Variants in TRPM3 observed in about 807,000 individuals in gnomAD.
TRPM3 encodes long transient receptor potential channel 3.
TRPM3 carries 77 observed loss-of-function variants against 181.2 expected under a neutral mutation model. That is an observed-to-expected ratio of 0.42 (90% confidence interval 0.35 to 0.51). The LOEUF (loss-of-function observed/expected upper bound fraction) is 0.51. Ranked by LOEUF, TRPM3 falls within the 20% of genes least tolerant of loss-of-function variation. TRPM3 has a pLI of 0.01. For missense variants in TRPM3, 1,759 were observed against 2,196.7 expected (o/e 0.80, Z 3.98); for synonymous variants, 745 against 796.4 (o/e 0.94, Z 1.09).
intron 19 of TRPM3, among the ~76,000 whole-genome samples, chr9:70,607,877 A>T (rs770807524): frequency 5.3e-5 from 8 of 152,156 alleles, no homozygotes; most frequent in Non-Finnish European, 2.9e-5. Flanking sequence ...GTCTCTCACT[A>T]CTCATCAACT....
intron 1 of TRPM3, among the ~76,000 whole-genome samples, chr9:70,875,138 G>A (rs531388101): frequency 6.7e-4 from 102 of 151,828 alleles, no homozygotes; most frequent in South Asian, 5.0e-3. Flanking sequence ...CCTGGGGGAC[G>A]CATGACCGAT....
intron 1 of TRPM3, among the ~76,000 whole-genome samples, chr9:71,070,922 T>C (rs1301911467): frequency 6.6e-6 from 1 of 152,202 alleles, no homozygotes; most frequent in Non-Finnish European, 1.5e-5. Flanking sequence ...CTTTAAAAGA[T>C]TTCTTATCAG....
intron 1 of TRPM3, among the ~76,000 whole-genome samples, chr9:71,067,604 A>G (rs966898045): frequency 3.3e-5 from 5 of 152,242 alleles, no homozygotes; most frequent in Non-Finnish European, 7.3e-5. Context: ...AAATTTAACA[A>G]TAATATCACT....
chr9:71,290,478 T>C (rs2085713793), intron 1 of TRPM3, among the ~76,000 whole-genome samples: 2 of 152,058 alleles, frequency 1.3e-5, no homozygotes, highest in Admixed American at 6.6e-5. Flanking sequence ...TCCAATAGAA[T>C]GAGGGTAGAA....
At chr9:71,121,935 AT>A (rs995457618), upstream of TRPM3, among the ~76,000 whole-genome samples, 11 of 152,152 alleles carry the variant, frequency 7.2e-5, no homozygotes, top group African/African-American at 2.7e-4. Flanking sequence ...AGTAAAAGAG[AT>A]CTGTGTCGTG....
At chr9:70,928,820 T>A (rs138484979) in intron 1 of TRPM3, among the ~76,000 whole-genome samples, 41 of 152,314 alleles carry the variant, frequency 2.7e-4, no homozygotes, top group Non-Finnish European at 4.9e-4. Flanking sequence ...ATCTTGGCCC[T>A]TGCTCTTGGT....
intron 7 of TRPM3, chr9:70,774,175 G>C (rs186604333): frequency 6.6e-6 from 1 of 152,458 alleles, no homozygotes; most frequent in East Asian, 1.9e-4. Flanking sequence ...TGAACTGTGC[G>C]GGTTCACTTA....
intron 1 of TRPM3, among the ~76,000 whole-genome samples, chr9:71,141,939 C>A (rs556442041): frequency 5.3e-5 from 8 of 152,084 alleles, no homozygotes; most frequent in Non-Finnish European, 1.0e-4. Context: ...TTCACTGGGG[C>A]CATAATATAT....
At chr9:70,855,184 G>T (rs1380245120) in intron 3 of TRPM3, among the ~76,000 whole-genome samples, 1 of 152,164 alleles carries the variant, frequency 6.6e-6, no homozygotes, top group African/African-American at 2.4e-5. Context: ...GCTTCGCTCT[G>T]CACTGATTTG....
intron 1 of TRPM3, among the ~76,000 whole-genome samples, chr9:71,421,587 C>A (rs943578265): frequency 4.0e-5 from 6 of 151,818 alleles, no homozygotes; most frequent in African/African-American, 1.5e-4. Flanking sequence ...ATTAGTTTCC[C>A]ATATACAGTC....
intron 1 of TRPM3, among the ~76,000 whole-genome samples, chr9:70,974,863 A>AGTTTTTTTTTTT (rs2097287070): frequency 8.5e-6 from 1 of 117,980 alleles, no homozygotes; most frequent in East Asian, 2.8e-4. Flanking sequence ...TGGAACATCA[A>AGTTTTTTTTTTT]TTTTTTTTTT....
chr9:71,051,816 C>A (rs1281840681), intron 1 of TRPM3, among the ~76,000 whole-genome samples: 1 of 151,960 alleles, frequency 6.6e-6, no homozygotes, highest in Non-Finnish European at 1.5e-5. Context: ...TTATCTAGTT[C>A]TATACAACAT....
At chr9:71,306,324 A>C (rs536178212) in intron 1 of TRPM3, among the ~76,000 whole-genome samples, 1 of 152,284 alleles carries the variant, frequency 6.6e-6, no homozygotes, top group East Asian at 1.9e-4. Context: ...TGTCATACAA[A>C]GTTTCCATTT....
chr9:71,417,085 T>C (rs1455529277), intron 1 of TRPM3, among the ~76,000 whole-genome samples: 2 of 151,994 alleles, frequency 1.3e-5, no homozygotes, highest in Non-Finnish European at 2.9e-5. Flanking sequence ...CATTGGGTTG[T>C]CTCCAGTTTG....
chr9:70,541,824 TA>T (rs2043451270), intron 25 of TRPM3, among the ~76,000 whole-genome samples: 1 of 152,150 alleles, frequency 6.6e-6, no homozygotes, highest in Non-Finnish European at 1.5e-5. Flanking sequence ...CTTTAATCTT[TA>T]AAAAAATTTT....
At chr9:70,904,313 CTAAA>C (rs1183989752) in intron 1 of TRPM3, among the ~76,000 whole-genome samples, 1 of 152,118 alleles carries the variant, frequency 6.6e-6, no homozygotes, top group African/African-American at 2.4e-5. Context: ...TATTTGTTAA[CTAAA>C]TACTTGTCTG....
rs542851991 is a variant in TRPM3, at chr9:71,232,930, T to C, written c.183+213723A>G. On this transcript the variant is annotated intron_variant, in intron 1 of 24. Transcript: ENST00000357533. ...AACATTCCAGTCCCCGTTTTCACAC[T>C]GCTTCACTGGGTAATCCAGGGATCA... is the stretch of plus-strand genomic sequence containing the variant. Among the ~76,000 whole-genome samples, 3 of 152,330 alleles carry C rather than the reference T, an allele frequency of 2.0e-5. No individual in the cohort carries two copies. The East Asian group carries it at 5.8e-4, about 29-fold the overall frequency.
chr9:70,653,659 T>C (rs2059884834), intron 9 of TRPM3, among the ~76,000 whole-genome samples: 1 of 143,288 alleles, frequency 7.0e-6, no homozygotes, highest in South Asian at 2.2e-4. Flanking sequence ...ACTTGGTTTC[T>C]GAGTTTGCTT....
intron 12 of TRPM3, among the ~76,000 whole-genome samples, chr9:70,628,682 C>A (rs1268774427): frequency 6.6e-6 from 1 of 151,800 alleles, no homozygotes; most frequent in Non-Finnish European, 1.5e-5. Context: ...ATTAGTGGGG[C>A]ATGGTGGCAT....
Sources: gnomAD v4.1 joint callset for allele counts (sites outside exome capture counted in the v4.1 genomes callset) on GRCh38, gnomAD v4.1.1 for gene constraint, MANE v1.5 for transcripts, NCBI Gene and HGNC (gene_info 2026-07-23, HGNC 2026-07-21) for gene names.